The following GALNT13 variants were observed in gnomAD, a reference collection of about 807,000 sequenced individuals.
GALNT13 encodes polypeptide N-acetylgalactosaminyltransferase 13, also known as UDP-GalNAc:polypeptide N-acetylgalactosaminyltransferase 13.
Under a neutral mutation model 64.2 loss-of-function variants are expected in GALNT13, and 28 were observed. The observed-to-expected ratio is 0.44, with a 90% CI of 0.32 to 0.60. The LOEUF is 0.60. Ranked by LOEUF, GALNT13 falls within the 20% of genes least tolerant of loss-of-function variation. The pLI, the probability that GALNT13 is intolerant of heterozygous loss-of-function variation, is 0.05. For synonymous variants in GALNT13, 214 were observed against 224.6 expected, an observed-to-expected ratio of 0.95 and a Z score of 0.42; for missense variants, 577 against 669.8, an observed-to-expected ratio of 0.86 and a Z score of 1.53.
chr2:153,518,933 A>C, the GALNT13 span, among the ~76,000 whole-genome samples: 1 of 152,174 alleles, frequency 6.6e-6, no homozygotes, highest in Non-Finnish European at 1.5e-5. Flanking sequence ...ACTTGGGCAC[A>C]AAAGGGTGCA....
chr2:154,410,410 T>TAG (rs1367872498), intron 11 of GALNT13, among the ~76,000 whole-genome samples: 1 of 151,974 alleles, frequency 6.6e-6, no homozygotes, highest in African/African-American at 2.4e-5. Flanking sequence ...CTTTAGTGTT[T>TAG]AGAGTTAACT....
chr2:153,205,018 T>G, the GALNT13 span, among the ~76,000 whole-genome samples: 1 of 152,164 alleles, frequency 6.6e-6, no homozygotes, highest in African/African-American at 2.4e-5. Context: ...GCAAAGACTT[T>G]TTGCTTTGCT....
At chr2:154,370,914 G>A (rs1559118796) in intron 9 of GALNT13, among the ~76,000 whole-genome samples, 1 of 152,028 alleles carries the variant, frequency 6.6e-6, no homozygotes, top group Non-Finnish European at 1.5e-5. Flanking sequence ...ACAACATTTA[G>A]AAGGCCAACA....
the GALNT13 span, among the ~76,000 whole-genome samples, chr2:153,750,866 G>C: frequency 2.6e-5 from 4 of 151,324 alleles, no homozygotes; most frequent in Non-Finnish European, 5.9e-5. Context: ...GGTTTGGTTT[G>C]CTCTTGCTTT....
intron 4 of GALNT13, among the ~76,000 whole-genome samples, chr2:154,208,618 G>A: frequency 8.0e-6 from 1 of 125,182 alleles, no homozygotes; most frequent in East Asian, 2.3e-4. Flanking sequence ...ATCACGTTTT[G>A]CGTGTCTGTG....
chr2:153,439,596 G>C, the GALNT13 span, among the ~76,000 whole-genome samples: 1 of 152,312 alleles, frequency 6.6e-6, no homozygotes, highest in East Asian at 1.9e-4. Flanking sequence ...GGAAGGCTCC[G>C]TGGGCATAGG....
At chr2:153,792,970 CTTT>C in the GALNT13 span, among the ~76,000 whole-genome samples, 2 of 132,248 alleles carry the variant, frequency 1.5e-5, no homozygotes, top group Non-Finnish European at 1.6e-5. Flanking sequence ...TTCTTTCTTT[CTTT>C]TTTTTTTTTT....
At chr2:154,441,086 T>G (rs1217584243) in intron 12 of GALNT13, among the ~76,000 whole-genome samples, 6 of 152,102 alleles carry the variant, frequency 3.9e-5, no homozygotes, top group Non-Finnish European at 8.8e-5. Flanking sequence ...AGTTTGTATT[T>G]TAACAAAATC....
the GALNT13 span, among the ~76,000 whole-genome samples, chr2:153,462,291 A>G: frequency 0.27 from 41,332 of 152,076 alleles, 7,341 homozygotes; most frequent in Non-Finnish European, 0.4. Context: ...TTTGTTATTA[A>G]CTACAGTAAT....
the GALNT13 span, among the ~76,000 whole-genome samples, chr2:153,860,954 A>G: frequency 7.9e-5 from 12 of 152,208 alleles, no homozygotes; most frequent in Admixed American, 7.9e-4. Flanking sequence ...AGTTAGGATC[A>G]TTACTGAGTT....
chr2:153,265,488 C>T, the GALNT13 span, among the ~76,000 whole-genome samples: 4 of 152,182 alleles, frequency 2.6e-5, no homozygotes, highest in African/African-American at 7.2e-5. Context: ...ACAACCACTG[C>T]ATTCTCTCTC....
At chr2:154,048,316 A>T (rs1253546041) in intron 3 of GALNT13, among the ~76,000 whole-genome samples, 1 of 152,144 alleles carries the variant, frequency 6.6e-6, no homozygotes, top group Non-Finnish European at 1.5e-5. Flanking sequence ...ACAATTCTGT[A>T]TGAGACTTGG....
chr2:154,403,514 T>C (rs1445780933), intron 10 of GALNT13, among the ~76,000 whole-genome samples: 2 of 151,792 alleles, frequency 1.3e-5, no homozygotes, highest in Non-Finnish European at 2.9e-5. Flanking sequence ...TCCCAGGTGA[T>C]ATGTCCCTCT....
At chr2:154,417,660 C>T (rs1054452631) in intron 11 of GALNT13, among the ~76,000 whole-genome samples, 6 of 151,596 alleles carry the variant, frequency 4.0e-5, no homozygotes, top group Admixed American at 1.3e-4. Flanking sequence ...TACAGGAACC[C>T]GCAACCATAC....
the GALNT13 span, among the ~76,000 whole-genome samples, chr2:153,452,249 A>G: frequency 6.6e-6 from 1 of 152,208 alleles, no homozygotes; most frequent in East Asian, 1.9e-4. Context: ...TGATTTTCTG[A>G]CCAAATCACA....
the GALNT13 span, among the ~76,000 whole-genome samples, chr2:153,576,775 A>C: frequency 6.6e-6 from 1 of 151,794 alleles, no homozygotes; most frequent in South Asian, 2.1e-4. Context: ...ATAGTTGTTA[A>C]ATTGGTGCGG....
At chr2:154,340,015 A>T (rs1015876259) in intron 9 of GALNT13, among the ~76,000 whole-genome samples, 12 of 152,140 alleles carry the variant, frequency 7.9e-5, no homozygotes, top group African/African-American at 2.9e-4. Flanking sequence ...ACTGATTTTT[A>T]AAAATGTCTA....
chr2:154,020,884 G>A (rs1343332740), intron 3 of GALNT13, among the ~76,000 whole-genome samples: 4 of 151,596 alleles, frequency 2.6e-5, no homozygotes, highest in Admixed American at 1.3e-4. Context: ...TGTATAAGGT[G>A]TAAGGAAGAG....
At chr2:154,215,219 A>G (rs936976410) in intron 4 of GALNT13, among the ~76,000 whole-genome samples, 14 of 152,120 alleles carry the variant, frequency 9.2e-5, no homozygotes, top group African/African-American at 3.4e-4. Context: ...TTCCCCTTTT[A>G]TGCCTGAACT....
Sources: allele counts gnomAD v4.1 joint callset (sites outside exome capture counted in the v4.1 genomes callset), GRCh38; gene constraint gnomAD v4.1.1; transcripts MANE v1.5; gene names NCBI Gene and HGNC (gene_info 2026-07-23, HGNC 2026-07-21).